Variants in ZFHX3 observed in about 807,000 individuals in gnomAD.
ZFHX3 encodes the protein zinc finger homeobox protein 3.
A neutral mutation model predicts 279.1 loss-of-function variants in ZFHX3; 42 were observed. The observed-to-expected ratio is 0.15, with a 90% CI of 0.12 to 0.19. The LOEUF is 0.19. Among genes scored for constraint, ZFHX3 ranks in the 10% least tolerant of loss-of-function variants. The probability of loss-of-function intolerance (pLI) is 1.00; values close to 1 mark genes in which losing one functional copy is unlikely to be tolerated. For synonymous variants in ZFHX3, 2,293 were observed against 1,957.8 expected (o/e 1.17, Z -4.52); for missense variants, 4,981 against 4,754.0 (o/e 1.05, Z -1.40).
At chr16:73,848,181 A>G (rs1417465019) in intron 1 of ZFHX3, among the ~76,000 whole-genome samples, 1 of 152,006 alleles carries the variant, frequency 6.6e-6, no homozygotes, top group Admixed American at 6.6e-5. Flanking sequence ...ACATTTCCCT[A>G]AATAGCAGTT....
chr16:73,062,277 T>C (rs1000458991), upstream of ZFHX3: 8 of 152,128 alleles, frequency 5.3e-5, no homozygotes, highest in African/African-American at 1.9e-4. Context: ...AACACAAAAA[T>C]ATATGCATAA....
chr16:73,627,819 G>A (rs1323220793), intron 2 of ZFHX3, among the ~76,000 whole-genome samples: 1 of 152,182 alleles, frequency 6.6e-6, no homozygotes, highest in Non-Finnish European at 1.5e-5. Context: ...TCAGGAGGCT[G>A]AGGCAGGAGA....
At chr16:73,765,649 G>A (rs567315799) in intron 1 of ZFHX3, among the ~76,000 whole-genome samples, 1 of 152,288 alleles carries the variant, frequency 6.6e-6, no homozygotes, top group South Asian at 2.1e-4. Context: ...TTGGTTCAAG[G>A]CCAGTTATCA....
intron 2 of ZFHX3, among the ~76,000 whole-genome samples, chr16:73,490,818 C>A (rs1181242740): frequency 6.6e-6 from 1 of 152,164 alleles, no homozygotes; most frequent in Non-Finnish European, 1.5e-5. Context: ...GCCTGGACAA[C>A]AGAACAAGAC....
intron 8 of ZFHX3, among the ~76,000 whole-genome samples, chr16:73,076,796 T>C (rs1443276853): frequency 2.0e-5 from 3 of 152,188 alleles, no homozygotes. Flanking sequence ...TTGGGGAATT[T>C]TCAGAAGCAT....
At chr16:73,809,062 T>C (rs1960359528) in intron 1 of ZFHX3, among the ~76,000 whole-genome samples, 1 of 152,162 alleles carries the variant, frequency 6.6e-6, no homozygotes, top group Admixed American at 6.5e-5. Context: ...AAGTGCAATG[T>C]TTCCTAAAAG....
intron 5 of ZFHX3, among the ~76,000 whole-genome samples, chr16:73,177,870 G>A (rs183954398): frequency 2.3e-3 from 344 of 152,340 alleles, no homozygotes; most frequent in Non-Finnish European, 4.0e-3. Flanking sequence ...CATTGAGCAA[G>A]GGACACTGAC....
At chr16:73,633,057 C>T (rs947111032) in intron 2 of ZFHX3, among the ~76,000 whole-genome samples, 10 of 152,086 alleles carry the variant, frequency 6.6e-5, no homozygotes, top group Non-Finnish European at 1.5e-4. Context: ...CTAGGCTGGA[C>T]AACAAAGCGA....
intron 5 of ZFHX3, among the ~76,000 whole-genome samples, chr16:72,812,388 G>C (rs1040884820): frequency 1.3e-5 from 2 of 151,962 alleles, no homozygotes; most frequent in African/African-American, 4.8e-5. Context: ...AGGGCTGAGG[G>C]TGGGTGGGAA....
In ZFHX3 at chr16:73,750,500, G is replaced by T. The variant is rs115453431; in HGVS notation, c.-1607-70260C>A. On this transcript the variant is annotated intron_variant, in intron 1 of 17. Transcript: ENST00000641206. ...CTATGTGTGGATCTTAGTAACAGAT[G>T]TCAAAAATAACACAATGAGGCACTG... Among the ~76,000 whole-genome samples the T allele has an allele frequency of 1.9e-3, 284 of 152,256 alleles. 3 individuals carry two copies. The highest frequency in any genetic ancestry group is 6.6e-3 in the African/African-American group (273 of 41,544).
intron 3 of ZFHX3, among the ~76,000 whole-genome samples, chr16:72,914,271 T>A (rs935948454): frequency 6.6e-6 from 1 of 152,146 alleles, no homozygotes; most frequent in African/African-American, 2.4e-5. Flanking sequence ...CAGAAGACAG[T>A]CCGCCTTCAT....
At chr16:73,553,694 A>G (rs978823341) in intron 2 of ZFHX3, among the ~76,000 whole-genome samples, 2 of 152,172 alleles carry the variant, frequency 1.3e-5, no homozygotes, top group Non-Finnish European at 2.9e-5. Flanking sequence ...GCAACCCAAA[A>G]TTCAAAGCCG....
intron 5 of ZFHX3, chr16:73,232,214 G>A (rs2012798454): frequency 6.6e-6 from 1 of 152,204 alleles, no homozygotes; most frequent in Non-Finnish European, 1.5e-5. Context: ...CTCCGGCCGT[G>A]GAGCACTGCA....
intron 1 of ZFHX3, among the ~76,000 whole-genome samples, chr16:73,752,079 A>C (rs917133860): frequency 6.6e-6 from 1 of 152,184 alleles, no homozygotes; most frequent in African/African-American, 2.4e-5. Context: ...GAGAGAAAGG[A>C]GGATGGAGCT....
At chr16:73,207,019 AAAAT>A (rs71156149) in intron 5 of ZFHX3, among the ~76,000 whole-genome samples, 11,229 of 145,586 alleles carry the variant, frequency 0.077, 592 homozygotes, top group African/African-American at 0.15. Flanking sequence ...ATCCATCTCA[AAAAT>A]AAATAAATAA....
At chr16:73,179,471 C>T (rs1967742713) in intron 5 of ZFHX3, among the ~76,000 whole-genome samples, 1 of 151,902 alleles carries the variant, frequency 6.6e-6, no homozygotes. Context: ...GCTGAGTGCC[C>T]AAAGAATGTT....
chr16:72,857,792 C>G (rs968820982), intron 4 of ZFHX3, among the ~76,000 whole-genome samples: 4 of 152,184 alleles, frequency 2.6e-5, no homozygotes, highest in African/African-American at 7.2e-5. Context: ...TGCAGCCCTG[C>G]TAGGTTTGCA....
rs1218893321 is a variant in ZFHX3 at position 72,788,827 on chromosome 16, T to G, written c.9449A>C (p.Asn3150Thr). The change falls in exon 10 of 10, where the codon AAC (asparagine) becomes ACC (threonine). Residue 3150 changes from asparagine (N) to threonine (T), a missense_variant. By Grantham distance (65) the Asn-to-Thr change is moderately conservative (BLOSUM62 0). Around this residue, in one of 7 missense-constraint regions of ZFHX3, gnomAD observed 1,034 missense variants for 786.0 expected, o/e 1.32. Transcript: ENST00000268489. ...SNTALTSPKP[N>T]LMGLPSTTVP... ...AGTTGTGCTGGGCAGACCCATCAAG[T>G]TCGGCTTAGGAGACGTTAAAGCTGA... 1 of 1,522,902 alleles carries G rather than the reference T, an allele frequency of 6.6e-7. No individual in the cohort carries two copies. 94.3% of individuals were successfully genotyped at this position (1,522,902 alleles called of 1,614,324 possible).
At chr16:73,533,906 C>T (rs1181185098) in intron 2 of ZFHX3, among the ~76,000 whole-genome samples, 1 of 152,180 alleles carries the variant, frequency 6.6e-6, no homozygotes, top group Non-Finnish European at 1.5e-5. Flanking sequence ...CTAGTCAGTG[C>T]TAACAGCATT....
Sources: gnomAD v4.1 joint callset for allele counts (sites outside exome capture counted in the v4.1 genomes callset) on GRCh38, gnomAD v4.1.1 for gene constraint, gnomAD v4.1.1 regional missense constraint, MANE v1.5 for transcripts, NCBI Gene and HGNC (gene_info 2026-07-23, HGNC 2026-07-21) for gene names.